Variants in ETFA observed in about 807,000 individuals in gnomAD.
The protein encoded by ETFA is electron transfer flavoprotein subunit alpha, mitochondrial.
In ETFA, 22 loss-of-function variants were observed where a neutral mutation model predicts 46.2. That is an observed-to-expected ratio of 0.48 (90% CI 0.34 to 0.68). ETFA has a LOEUF of 0.68. Among genes scored for constraint, ETFA ranks in the 30% least tolerant of loss-of-function variants. The pLI is 0.01. For synonymous variants in ETFA, 131 were observed against 139.9 expected, an observed-to-expected ratio of 0.94 and a Z score of 0.45; for missense variants, 345 against 401.1, an observed-to-expected ratio of 0.86 and a Z score of 1.19.
At chr15:76,267,948 T>A (rs2039488422) in intron 9 of ETFA, among the ~76,000 whole-genome samples, 1 of 151,970 alleles carries the variant, frequency 6.6e-6, no homozygotes, top group Admixed American at 6.5e-5. Context: ...TGAAGATCTA[T>A]CATGAGCCAC....
At chr15:76,225,163 G>A in intron 11 of ETFA, among the ~76,000 whole-genome samples, 1 of 152,140 alleles carries the variant, frequency 6.6e-6, no homozygotes, top group East Asian at 1.9e-4. Context: ...CCTGAATAAG[G>A]GGGTTTGATG....
Position 76,292,491 on chromosome 15 carries a change from C to CA in ETFA, c.290dup (p.Leu97PhefsTer32), listed in dbSNP as rs758639674. 1 of 1,613,624 alleles carries CA rather than the reference C, an allele frequency of 6.2e-7. No individual in the cohort carries two copies. The stretch of plus-strand genomic sequence containing the variant: ...TGTAATTGAACTGCTTCTGAGTTGC[C>CA]AAAATCAATGGTGTCAGTTCCTCTG... On this transcript the variant is annotated frameshift_variant, in exon 4 of 12. Transcript: ENST00000557943. LOFTEE classifies it high-confidence loss of function.
intron 9 of ETFA, among the ~76,000 whole-genome samples, chr15:76,249,866 A>G (rs1368681607): frequency 2.0e-5 from 3 of 152,220 alleles, no homozygotes; most frequent in African/African-American, 4.8e-5. Context: ...TTAAAACTGT[A>G]AATAAGCAAA....
chr15:76,284,926 A>G (rs1015212763), intron 7 of ETFA: 19 of 405,824 alleles, frequency 4.7e-5, no homozygotes, highest in East Asian at 1.1e-4. Flanking sequence ...GCGAAACTCC[A>G]TCTCAAAAAG....
At chr15:76,276,629 T>C (rs879171103) in intron 8 of ETFA, among the ~76,000 whole-genome samples, 2 of 147,706 alleles carry the variant, frequency 1.4e-5, no homozygotes, top group Non-Finnish European at 3.0e-5. Flanking sequence ...TTTTTGTTGT[T>C]GTTGTTTTTT....
intron 9 of ETFA, among the ~76,000 whole-genome samples, chr15:76,234,651 T>C (rs1157724058): frequency 6.6e-6 from 1 of 152,088 alleles, no homozygotes; most frequent in Non-Finnish European, 1.5e-5. Context: ...CTTTAGAATC[T>C]AGAAGAGTGA....
At chr15:76,224,550 T>TCC (rs1037130901) in intron 11 of ETFA, among the ~76,000 whole-genome samples, 6 of 152,316 alleles carry the variant, frequency 3.9e-5, no homozygotes, top group African/African-American at 1.4e-4. Context: ...AAATGTACTC[T>TCC]CCAAGCACAC....
chr15:76,272,423 T>C (rs1440093953), intron 9 of ETFA, among the ~76,000 whole-genome samples: 1 of 152,052 alleles, frequency 6.6e-6, no homozygotes, highest in Admixed American at 6.5e-5. Flanking sequence ...GGTTTCACCA[T>C]ATTAGCCAGG....
Position 76,231,407 on chromosome 15 carries a change from A to G in ETFA, c.817-9T>C. ...ACAGCAATATAAAGTTCCTGAAATA[A>G]AAGAGGTCACATTATTAATATGTAT... On this transcript the variant is annotated splice_polypyrimidine_tract_variant and intron_variant, in intron 9 of 11. Coordinates refer to ENST00000557943, the MANE Select transcript of ETFA (RefSeq NM_000126.4). The G allele has an allele frequency of 6.4e-7, 1 of 1,560,904 alleles. No individual in the cohort carries two copies. The highest frequency in any genetic ancestry group is 2.2e-5 in the East Asian group (1 of 44,618).
chr15:76,286,360 T>A lies in ETFA; in HGVS notation c.562+11A>T, dbSNP rs143834701. ...AGAAACAAAACAAAAAAACTCCAAA[T>A]GAACACTCACCCTTTTCTGAACTGG... On this transcript the variant is annotated intron_variant, in intron 6 of 11. Coordinates refer to ENST00000557943, the MANE Select transcript of ETFA (RefSeq NM_000126.4). 5.1e-4 allele frequency: 785 copies of A among 1,547,730 alleles called. 3 individuals carry two copies. In the African/African-American group the frequency reaches 9.3e-3, roughly 18 times the overall value.
intron 4 of ETFA, among the ~76,000 whole-genome samples, chr15:76,291,515 C>T (rs1279139094): frequency 6.8e-6 from 1 of 146,832 alleles, no homozygotes; most frequent in Non-Finnish European, 1.5e-5. Context: ...CTTTGGGGGG[C>T]CGAGGCGGGC....
At position 76,288,920 on chromosome 15, in the gene ETFA, C is replaced by CTTTTTTTTTTTTT. The variant is rs35295593; in HGVS notation, c.352-988_352-976dup. On this transcript the variant is annotated intron_variant, in intron 4 of 11. Coordinates refer to ENST00000557943, the MANE Select transcript of ETFA (RefSeq NM_000126.4). ...TCAGTTAATTCTTCTTCTTCTTCTT[C>CTTTTTTTTTTTTT]TTTTTTTTTTTTTTTGGAAACAGGG... 2.5e-4 allele frequency among the ~76,000 whole-genome samples: 27 copies of CTTTTTTTTTTTTT among 110,054 alleles called. 2 individuals carry two copies. Among genetic ancestry groups the CTTTTTTTTTTTTT allele is most frequent in the Non-Finnish European group, 3.0e-4 (17 of 57,010 alleles). 72.2% of individuals were successfully genotyped at this position (110,054 alleles called of 152,430 possible).
Position 76,280,060 on chromosome 15 carries a change from G to A in ETFA, c.733+3697C>T, listed in dbSNP as rs117897397. Among the ~76,000 whole-genome samples the A allele has an allele frequency of 1.3e-4, 20 of 151,478 alleles. 1 individual carries two copies. In the East Asian group the frequency reaches 3.9e-3, roughly 29 times the overall value. ...ACTACAGGCTCACACCACTGCACCTGGCCTGGGACCTCTTTTTTTATCTAC... is the reference window on the plus strand; with the variant it reads ...ACTACAGGCTCACACCACTGCACCTAGCCTGGGACCTCTTTTTTTATCTAC... On this transcript the variant is annotated intron_variant, in intron 8 of 11. Transcript: ENST00000557943.
intron 9 of ETFA, among the ~76,000 whole-genome samples, chr15:76,243,518 C>T (rs1384865285): frequency 6.6e-6 from 1 of 151,938 alleles, no homozygotes; most frequent in Admixed American, 6.6e-5. Flanking sequence ...TAAATTCAGG[C>T]CAGGCGCAGT....
At chr15:76,291,369 C>CCGGGGGG in intron 4 of ETFA, among the ~76,000 whole-genome samples, 1 of 147,438 alleles carries the variant, frequency 6.8e-6, no homozygotes, top group Non-Finnish European at 1.5e-5. Context: ...GGCTTGAACC[C>CCGGGGGG]AGGAGGTAGA....
intron 10 of ETFA, chr15:76,229,263 A>C (rs1458423603): frequency 4.6e-5 from 7 of 152,250 alleles, no homozygotes; most frequent in African/African-American, 1.7e-4. Context: ...CGACACAGAC[A>C]ACAGGATAAG....
chr15:76,239,786 T>TTAAA (rs2039166327), intron 9 of ETFA, among the ~76,000 whole-genome samples: 1 of 133,288 alleles, frequency 7.5e-6, no homozygotes, highest in African/African-American at 2.7e-5. Flanking sequence ...TTGTACATAT[T>TTAAA]AAAAAAAAAA....
intron 8 of ETFA, 88 bp from the exon 9 acceptor site, chr15:76,274,582 G>T (rs2141516491): frequency 1.9e-6 from 2 of 1,047,234 alleles, no homozygotes; most frequent in Non-Finnish European, 1.5e-6. Flanking sequence ...CAAAGACATT[G>T]ATTTAGAATT....
At chr15:76,293,012 C>G (rs1297535309) in intron 2 of ETFA, among the ~76,000 whole-genome samples, 1 of 152,164 alleles carries the variant, frequency 6.6e-6, no homozygotes, top group East Asian at 1.9e-4. Flanking sequence ...TGGCGGGCAC[C>G]TGTAATCCCA....
Sources: gnomAD v4.1 joint callset for allele counts (sites outside exome capture counted in the v4.1 genomes callset) on GRCh38, gnomAD v4.1.1 for gene constraint, MANE v1.5 for transcripts, NCBI Gene and HGNC (gene_info 2026-07-23, HGNC 2026-07-21) for gene names.